The following TNNI3K variants were observed in gnomAD, a reference collection of about 807,000 sequenced individuals.
TNNI3K encodes the protein serine/threonine-protein kinase TNNI3K.
A neutral mutation model predicts 114.5 loss-of-function variants in TNNI3K; 140 were observed. The observed-to-expected ratio is 1.22, with a 90% CI of 1.07 to 1.41. TNNI3K has a LOEUF of 1.41. Among genes scored for constraint, TNNI3K ranks in the 40% most tolerant of loss-of-function variants. The pLI is 0.00. For synonymous variants in TNNI3K, 347 were observed against 347.5 expected (o/e 1.00, Z 0.02); for missense variants, 1,125 against 1,007.6 (o/e 1.12, Z -1.58).
intron 23 of TNNI3K, among the ~76,000 whole-genome samples, chr1:74,511,650 T>C (rs1670233216): frequency 6.6e-6 from 1 of 152,044 alleles, no homozygotes; most frequent in South Asian, 2.1e-4. Flanking sequence ...ATCTCTTCAG[T>C]CCTGGGGGAA....
At chr1:74,300,991 A>C (rs1420159052) in intron 5 of TNNI3K, among the ~76,000 whole-genome samples, 1 of 152,198 alleles carries the variant, frequency 6.6e-6, no homozygotes, top group African/African-American at 2.4e-5. Flanking sequence ...AATTAAGCAT[A>C]AATATGTCAA....
intron 2 of TNNI3K, among the ~76,000 whole-genome samples, chr1:74,238,912 C>G (rs1654024596): frequency 1.3e-5 from 2 of 152,012 alleles, no homozygotes; most frequent in African/African-American, 2.4e-5. Context: ...ATGACTCCAC[C>G]CTTTATCATG....
At chr1:74,415,116 T>G (rs546631432) in intron 17 of TNNI3K, among the ~76,000 whole-genome samples, 29 of 152,272 alleles carry the variant, frequency 1.9e-4, no homozygotes, top group African/African-American at 6.7e-4. Flanking sequence ...TCCTGAACAC[T>G]CTAAGCATGC....
intron 5 of TNNI3K, among the ~76,000 whole-genome samples, chr1:74,330,107 G>T (rs369169929): frequency 1.3e-5 from 2 of 152,066 alleles, no homozygotes; most frequent in East Asian, 3.9e-4. Flanking sequence ...TCGAAGACAG[G>T]TATTTAGGAG....
At chr1:74,307,706 CGT>C (rs1442957650) in intron 5 of TNNI3K, among the ~76,000 whole-genome samples, 2 of 152,078 alleles carry the variant, frequency 1.3e-5, no homozygotes, top group African/African-American at 4.8e-5. Context: ...GACGGCCAGG[CGT>C]GGTGGCTTAA....
At chr1:74,411,970 T>C (rs1157871479) in intron 17 of TNNI3K, among the ~76,000 whole-genome samples, 1 of 147,922 alleles carries the variant, frequency 6.8e-6, no homozygotes. Flanking sequence ...TTACATATTG[T>C]TCAATACATA....
chr1:74,394,766 C>T (rs538611194), intron 17 of TNNI3K, among the ~76,000 whole-genome samples: 36 of 152,262 alleles, frequency 2.4e-4, no homozygotes, highest in African/African-American at 8.2e-4. Context: ...ACACTTAGGC[C>T]GGGCGCAGTG....
chr1:74,504,703 A>C (rs1302882899), intron 23 of TNNI3K, among the ~76,000 whole-genome samples: 1 of 152,122 alleles, frequency 6.6e-6, no homozygotes, highest in African/African-American at 2.4e-5. Context: ...AGAGTGAGCG[A>C]GTGACATATT....
At chr1:74,255,525 C>T (rs374791953) in intron 4 of TNNI3K, among the ~76,000 whole-genome samples, 1 of 152,280 alleles carries the variant, frequency 6.6e-6, no homozygotes, top group East Asian at 1.9e-4. Flanking sequence ...TCTCTGCTTT[C>T]ATTAATAAAA....
intron 5 of TNNI3K, among the ~76,000 whole-genome samples, chr1:74,304,074 G>A (rs1247036070): frequency 6.6e-6 from 1 of 152,158 alleles, no homozygotes; most frequent in Non-Finnish European, 1.5e-5. Context: ...TCTACTCCTG[G>A]TGAAGATACT....
intron 17 of TNNI3K, among the ~76,000 whole-genome samples, chr1:74,432,070 G>A (rs568465905): frequency 1.2e-4 from 18 of 152,218 alleles, no homozygotes; most frequent in African/African-American, 4.3e-4. Flanking sequence ...CTGTGTATGT[G>A]TGTGTGTGTG....
chr1:74,309,638 G>A (rs1658867202), intron 5 of TNNI3K, among the ~76,000 whole-genome samples: 1 of 152,106 alleles, frequency 6.6e-6, no homozygotes, highest in Non-Finnish European at 1.5e-5. Flanking sequence ...TTCCTGGGAT[G>A]CAAGGATGGT....
At chr1:74,533,256 T>C (rs1646615012) in intron 23 of TNNI3K, among the ~76,000 whole-genome samples, 1 of 152,074 alleles carries the variant, frequency 6.6e-6, no homozygotes, top group Non-Finnish European at 1.5e-5. Context: ...GCAAAGGACA[T>C]GAACAGACAC....
intron 9 of TNNI3K, 38 bp downstream of exon 9, chr1:74,343,217 G>A (rs781062480): frequency 2.5e-6 from 4 of 1,572,502 alleles, no homozygotes; most frequent in South Asian, 1.2e-5. Flanking sequence ...ACTAAACTTA[G>A]CTGACACTCT....
intron 17 of TNNI3K, among the ~76,000 whole-genome samples, chr1:74,432,061 T>C (rs1665925003): frequency 6.6e-6 from 1 of 151,746 alleles, no homozygotes; most frequent in African/African-American, 2.4e-5. Context: ...GATGCAAGTC[T>C]GTGTATGTGT....
At chr1:74,540,606 T>TTTA (rs760965864) in intron 24 of TNNI3K, among the ~76,000 whole-genome samples, 9 of 147,304 alleles carry the variant, frequency 6.1e-5, no homozygotes, top group Non-Finnish European at 1.3e-4. Flanking sequence ...ACTCTTTTTT[T>TTTA]AAAAAAAAAA....
chr1:74,361,112 A>G (rs1003091237), intron 11 of TNNI3K, among the ~76,000 whole-genome samples: 3 of 152,136 alleles, frequency 2.0e-5, no homozygotes, highest in Non-Finnish European at 4.4e-5. Context: ...TGTAAATATC[A>G]TAGGTTCCTT....
intron 19 of TNNI3K, 64 bp downstream of exon 19, chr1:74,436,590 A>G: frequency 6.6e-7 from 1 of 1,522,442 alleles, no homozygotes; most frequent in Non-Finnish European, 8.8e-7. Context: ...TCAGCATGAG[A>G]GGACGTAAGA....
chr1:74,241,851 CTTT>C (rs68025428), intron 2 of TNNI3K, among the ~76,000 whole-genome samples: 3 of 128,082 alleles, frequency 2.3e-5, no homozygotes, highest in Admixed American at 7.8e-5. Flanking sequence ...AGTTCTTTTC[CTTT>C]TTTTTTTTTT....
Sources: allele counts gnomAD v4.1 joint callset (sites outside exome capture counted in the v4.1 genomes callset), GRCh38; gene constraint gnomAD v4.1.1; transcripts MANE v1.5; gene names NCBI Gene and HGNC (gene_info 2026-07-23, HGNC 2026-07-21).